Variants in ARSB observed in about 807,000 individuals in gnomAD.
ARSB encodes the protein arylsulfatase B.
In ARSB, 41 loss-of-function variants were observed where a neutral mutation model predicts 50.9. The ratio of observed to expected loss-of-function variants is 0.81; its 90% CI spans 0.63 to 1.04. The LOEUF (loss-of-function observed/expected upper bound fraction) is 1.04, where lower values mean the gene tolerates loss of function less well. ARSB is among the 50% of genes least tolerant of loss of function. The pLI is 0.00. For missense variants in ARSB, 672 were observed against 693.3 expected, an observed-to-expected ratio of 0.97 and a Z score of 0.35; for synonymous variants, 269 against 284.8, an observed-to-expected ratio of 0.94 and a Z score of 0.56.
chr5:78,816,383 G>A (rs140335067), intron 6 of ARSB, among the ~76,000 whole-genome samples: 1 of 152,248 alleles, frequency 6.6e-6, no homozygotes, highest in East Asian at 1.9e-4. Flanking sequence ...TTGGCTCCCG[G>A]AGAATATTTC....
At chr5:78,930,334 G>A (rs1012364343) in intron 4 of ARSB, among the ~76,000 whole-genome samples, 2 of 152,082 alleles carry the variant, frequency 1.3e-5, no homozygotes, top group African/African-American at 2.4e-5. Context: ...TAGCTTCCAC[G>A]GCAATGGATG....
At chr5:78,924,206 T>C (rs10053925) in intron 4 of ARSB, among the ~76,000 whole-genome samples, 20,035 of 152,200 alleles carry the variant, frequency 0.13, 1,701 homozygotes, top group East Asian at 0.2. Flanking sequence ...TTATGTGAAT[T>C]CTCTCATTTA....
intron 5 of ARSB, among the ~76,000 whole-genome samples, chr5:78,879,146 G>C (rs3098698): frequency 6.6e-6 from 1 of 152,114 alleles, no homozygotes; most frequent in Non-Finnish European, 1.5e-5. Flanking sequence ...GAGCCACCAC[G>C]CCTAGTCTGC....
chr5:78,824,559 A>T (rs1744357933), intron 6 of ARSB, among the ~76,000 whole-genome samples: 1 of 152,172 alleles, frequency 6.6e-6, no homozygotes, highest in African/African-American at 2.4e-5. Flanking sequence ...GCACTGCTTT[A>T]AGTGTAGGGT....
intron 3 of ARSB, among the ~76,000 whole-genome samples, chr5:78,959,718 AC>A (rs1751899337): frequency 6.6e-6 from 1 of 152,216 alleles, no homozygotes; most frequent in Non-Finnish European, 1.5e-5. Context: ...CAGAAGGTGA[AC>A]TTTATTCATG....
chr5:78,905,846 G>T (rs1288144496), intron 4 of ARSB, among the ~76,000 whole-genome samples: 2 of 142,370 alleles, frequency 1.4e-5, no homozygotes, highest in African/African-American at 2.6e-5. Flanking sequence ...TTTCTGTTAG[G>T]TTGTAGTTCC....
At chr5:78,974,996 T>C (rs1224424023) in intron 1 of ARSB, among the ~76,000 whole-genome samples, 3 of 152,232 alleles carry the variant, frequency 2.0e-5, no homozygotes, top group Non-Finnish European at 4.4e-5. Context: ...GTCTCAAGGC[T>C]ACATGGTCCT....
intron 4 of ARSB, among the ~76,000 whole-genome samples, chr5:78,911,959 T>C (rs1168370149): frequency 6.6e-6 from 1 of 152,136 alleles, no homozygotes; most frequent in African/African-American, 2.4e-5. Context: ...ATTTTAAAAA[T>C]AGAAAAAAGG....
At chr5:78,962,574 C>T (rs912478445) in intron 3 of ARSB, among the ~76,000 whole-genome samples, 2 of 139,582 alleles carry the variant, frequency 1.4e-5, no homozygotes, top group African/African-American at 5.4e-5. Flanking sequence ...GTCGCCCAGG[C>T]TGGAGTGTAG....
At chr5:78,919,455 T>C (rs1259016717) in intron 4 of ARSB, among the ~76,000 whole-genome samples, 1 of 152,182 alleles carries the variant, frequency 6.6e-6, no homozygotes, top group Non-Finnish European at 1.5e-5. Context: ...GAGGAACCAC[T>C]GAGAGAGTTA....
chr5:78,884,279 A>G (rs1747899581), intron 5 of ARSB: 1 of 152,208 alleles, frequency 6.6e-6, no homozygotes, highest in African/African-American at 2.4e-5. Context: ...AAAATAAGAC[A>G]TAACAAAAGA....
At chr5:78,796,741 C>T (rs1372782220) in intron 6 of ARSB, among the ~76,000 whole-genome samples, 3 of 152,164 alleles carry the variant, frequency 2.0e-5, no homozygotes, top group Non-Finnish European at 2.9e-5. Context: ...GCAACCTCTG[C>T]CTCCTGGGTT....
At chr5:78,951,315 G>T (rs1751486625) in intron 4 of ARSB, among the ~76,000 whole-genome samples, 1 of 152,044 alleles carries the variant, frequency 6.6e-6, no homozygotes, top group South Asian at 2.1e-4. Flanking sequence ...GAGGTTTAAT[G>T]CTACTAAATA....
At chr5:78,816,015 T>C in intron 6 of ARSB, 1 of 1,536,780 alleles carries the variant, frequency 6.5e-7, no homozygotes, top group Admixed American at 1.7e-5. Flanking sequence ...TGAGGGGCCC[T>C]TTCAGAACCT....
At chr5:78,891,733 GT>G (rs756028685) in intron 4 of ARSB, among the ~76,000 whole-genome samples, 2 of 152,194 alleles carry the variant, frequency 1.3e-5, no homozygotes, top group Non-Finnish European at 2.9e-5. Flanking sequence ...AGACTAGGGT[GT>G]CTGTGTCAAG....
intron 5 of ARSB, among the ~76,000 whole-genome samples, chr5:78,876,542 G>A (rs1012169641): frequency 6.6e-6 from 1 of 152,188 alleles, no homozygotes; most frequent in Non-Finnish European, 1.5e-5. Context: ...CCAGTTTACT[G>A]CCTTGAGAGA....
intron 5 of ARSB, among the ~76,000 whole-genome samples, chr5:78,865,295 A>C (rs1372553003): frequency 1.2e-4 from 19 of 152,202 alleles, no homozygotes; most frequent in Non-Finnish European, 5.9e-5. Flanking sequence ...TGGCAGGCTC[A>C]ACACCACGTG....
chr5:78,843,334 T>C (rs1278998991), intron 5 of ARSB, among the ~76,000 whole-genome samples: 1 of 152,198 alleles, frequency 6.6e-6, no homozygotes, highest in African/African-American at 2.4e-5. Context: ...CCCGGAGTCC[T>C]TCCACATGGG....
In ARSB at chr5:78,964,547, G is replaced by C; in HGVS notation, c.559C>G (p.Leu187Val). 6.2e-7 allele frequency: 1 copy of C among 1,613,994 alleles called. No individual in the cohort carries two copies. Among genetic ancestry groups the C allele is most frequent in the East Asian group, 2.2e-5 (1 of 44,880 alleles). Residue 187 changes from leucine to valine, a missense_variant, in exon 3 of 8, where the codon CTG becomes GTG. Transcript: ENST00000264914. ...SHERCTLIDALNVTRCALDFR... is the reference protein window; with the variant it reads ...SHERCTLIDAVNVTRCALDFR... ...TCAAGAGCACATCGTGTGACATTCA[G>C]AGCGTCAATTAATGTACAGCGTTCA... is the stretch of plus-strand genomic sequence containing the variant.
Sources: gnomAD v4.1 joint callset for allele counts (sites outside exome capture counted in the v4.1 genomes callset) on GRCh38, gnomAD v4.1.1 for gene constraint, MANE v1.5 for transcripts, NCBI Gene and HGNC (gene_info 2026-07-23, HGNC 2026-07-21) for gene names.